The following DOCK8 variants were observed in gnomAD, a reference collection of about 807,000 sequenced individuals.
DOCK8 encodes the protein dedicator of cytokinesis 8.
DOCK8 carries 141 observed loss-of-function variants against 245.6 expected under a neutral mutation model. That is an observed-to-expected ratio of 0.57 (90% CI 0.50 to 0.66). DOCK8 has a LOEUF of 0.66. Ranked by LOEUF, DOCK8 falls within the 30% of genes least tolerant of loss-of-function variation. The pLI is 0.00. For missense variants in DOCK8, 2,965 were observed against 2,603.4 expected (o/e 1.14, Z -3.02); for synonymous variants, 1,168 against 970.2 (o/e 1.20, Z -3.79).
At chr9:401,779 T>G (rs1016611630) in intron 26 of DOCK8, among the ~76,000 whole-genome samples, 5 of 152,158 alleles carry the variant, frequency 3.3e-5, no homozygotes, top group Non-Finnish European at 7.4e-5. Flanking sequence ...ACATGACTTT[T>G]CTAAAGGAAG....
chr9:266,663 G>A (rs2048040325), intron 1 of DOCK8, among the ~76,000 whole-genome samples: 1 of 152,006 alleles, frequency 6.6e-6, no homozygotes, highest in South Asian at 2.1e-4. Context: ...ATTATCTGCT[G>A]ATCTGAAAAA....
chr9:374,453 G>GTTTTTTTTTTT (rs762085208), intron 18 of DOCK8, among the ~76,000 whole-genome samples: 11 of 75,348 alleles, frequency 1.5e-4, no homozygotes, highest in East Asian at 8.6e-4. Context: ...GTCCTTTTGT[G>GTTTTTTTTTTT]TTTTTTTTTT....
chr9:426,836 C>G (rs372152268), intron 33 of DOCK8, 49 bp from the exon 34 acceptor site: 2 of 1,505,072 alleles, frequency 1.3e-6, no homozygotes, highest in African/African-American at 2.8e-5. Flanking sequence ...TCATGGGAAC[C>G]TGGCCAGGTT....
chr9:243,879 T>C (rs2047438728), intron 1 of DOCK8, among the ~76,000 whole-genome samples: 1 of 151,984 alleles, frequency 6.6e-6, no homozygotes. Flanking sequence ...CTCATCTTAT[T>C]GACATGATTT....
Position 308,841 on chromosome 9 carries a change from T to G in DOCK8, c.529-3113T>G, listed in dbSNP as rs536608377. Among the ~76,000 whole-genome samples the G allele has an allele frequency of 3.3e-5, 5 of 152,314 alleles. No homozygotes were observed. In the East Asian group the frequency reaches 7.7e-4, roughly 24 times the overall value. ...CCCGGCTAATTTTTTGTATTTTTAGTAGAGACGGGGTTTCACCATGTTAGC... is the reference window on the plus strand; with the variant it reads ...CCCGGCTAATTTTTTGTATTTTTAGGAGAGACGGGGTTTCACCATGTTAGC... On this transcript the variant is annotated intron_variant, in intron 5 of 47. Transcript: ENST00000432829.
At chr9:404,808 T>C (rs1586934041) in intron 26 of DOCK8, 110 bp from the exon 27 acceptor site, 2 of 1,197,130 alleles carry the variant, frequency 1.7e-6, no homozygotes, top group Non-Finnish European at 1.2e-6. Context: ...TTAGTTTTTA[T>C]TAAATTGATT....
intron 26 of DOCK8, among the ~76,000 whole-genome samples, 196 bp downstream of exon 26, chr9:399,455 G>A (rs2131418782): frequency 6.6e-6 from 1 of 152,158 alleles, no homozygotes; most frequent in Non-Finnish European, 1.5e-5. Flanking sequence ...CTTGATTCCT[G>A]GAGCATTTAC....
At chr9:235,287 T>G (rs2047217922) in intron 1 of DOCK8, among the ~76,000 whole-genome samples, 1 of 152,172 alleles carries the variant, frequency 6.6e-6, no homozygotes, top group South Asian at 2.1e-4. Flanking sequence ...CCTGGCTGTG[T>G]GAGGTGTCAG....
chr9:442,019 G>A lies in DOCK8; in HGVS notation c.5490+10G>A. On this transcript the variant is annotated intron_variant, in intron 42 of 47. Transcript: ENST00000432829. ...CTCACATAGACTAGAGGTAAGAAAA[G>A]TGATTCTGTGCGCCTGACCTGGTAC... 6.2e-7 allele frequency: 1 copy of A among 1,613,828 alleles called. No homozygotes were observed. The highest frequency in any genetic ancestry group is 8.5e-7 in the Non-Finnish European group (1 of 1,180,008).
chr9:325,187 G>C (rs767888897), intron 7 of DOCK8, among the ~76,000 whole-genome samples: 2 of 152,150 alleles, frequency 1.3e-5, no homozygotes, highest in African/African-American at 2.4e-5. Context: ...ATAGTGTATA[G>C]ATACCACATT....
chr9:386,996 C>T (rs2053983009), intron 23 of DOCK8, among the ~76,000 whole-genome samples: 1 of 152,126 alleles, frequency 6.6e-6, no homozygotes, highest in South Asian at 2.1e-4. Context: ...ATTTTTAAAG[C>T]AACAAAATTC....
At chr9:445,540 G>C (rs1167442879) in intron 43 of DOCK8, among the ~76,000 whole-genome samples, 1 of 152,200 alleles carries the variant, frequency 6.6e-6, no homozygotes, top group Non-Finnish European at 1.5e-5. Flanking sequence ...TTAGTTCTAT[G>C]AGTTTTGACA....
At chr9:314,951 AT>A (rs1178213483) in intron 6 of DOCK8, among the ~76,000 whole-genome samples, 2 of 152,196 alleles carry the variant, frequency 1.3e-5, no homozygotes, top group Non-Finnish European at 2.9e-5. Context: ...TCTTTCCCTA[AT>A]TCATTCTGAG....
In DOCK8 at chr9:388,075, C is replaced by T. The variant is rs183010141; in HGVS notation, c.2874+1649C>T. Among the ~76,000 whole-genome samples the T allele has an allele frequency of 1.2e-4, 19 of 152,296 alleles. No individual in the cohort carries two copies. The East Asian group carries it at 3.7e-3, about 29-fold the overall frequency. On this transcript the variant is annotated intron_variant, in intron 23 of 47. Transcript: ENST00000432829. The stretch of plus-strand genomic sequence containing the variant: ...GAATTACTTTAAGAAGCAGCTTATC[C>T]TTGTCTAATCTCTTCTTGCCATAAG...
In DOCK8 at chr9:420,888, A is replaced by G. The variant is rs531499050; in HGVS notation, c.4024-61A>G. ...CACTGTGGAGTGTACTGTTTTGGTA[A>G]CTCTCCCCATCAACGGAGATCTCAC... On this transcript the variant is annotated intron_variant, in intron 31 of 47. Transcript: ENST00000432829. 33 of 1,604,162 alleles carry G rather than the reference A, an allele frequency of 2.1e-5. No homozygotes were observed. In the African/African-American group the frequency reaches 4.0e-4, roughly 20 times the overall value.
At chr9:229,495 G>A (rs1017171691) in intron 1 of DOCK8, among the ~76,000 whole-genome samples, 1 of 152,172 alleles carries the variant, frequency 6.6e-6, no homozygotes, top group Non-Finnish European at 1.5e-5. Flanking sequence ...TTGCAGAGCT[G>A]TCTGGTCCAG....
Position 286,543 on chromosome 9 carries a change from C to G in DOCK8, c.239C>G (p.Ala80Gly). The G allele has an allele frequency of 6.2e-7, 1 of 1,613,954 alleles. No individual in the cohort carries two copies. The highest frequency in any genetic ancestry group is 8.5e-7 in the Non-Finnish European group (1 of 1,179,918). ...THLNSLDVQL[A>G]QELGDFTDDD... ...CTGAACAGCCTGGATGTGCAGCTTG[C>G]CCAGGAGCTCGGGGACTTCACTGAT... is the stretch of plus-strand genomic sequence containing the variant. Residue 80 changes from alanine to glycine, a missense_variant, in exon 3 of 48, where the codon GCC becomes GGC. Physicochemically the swap from Ala to Gly is moderately conservative, Grantham distance 60. This residue lies in a region of DOCK8 where 2,825 missense variants were observed against 2,453.5 expected (regional missense o/e 1.15). Transcript: ENST00000432829.
rs915295860 is a variant in DOCK8, at chr9:298,842, C to T, written c.405-5739C>T. 2.6e-5 allele frequency among the ~76,000 whole-genome samples: 4 copies of T among 151,140 alleles called. No individual in the cohort carries two copies. In the East Asian group the frequency reaches 7.8e-4, roughly 29 times the overall value. On this transcript the variant is annotated intron_variant, in intron 4 of 47. Transcript: ENST00000432829. ...GCCCAAAAGTCTCCTTGTAAACCTTCGTGTCATGTCATACTAAACCTTTGA... is the reference window on the plus strand; with the variant it reads ...GCCCAAAAGTCTCCTTGTAAACCTTTGTGTCATGTCATACTAAACCTTTGA...
At chr9:400,983 C>T (rs1342713859) in intron 26 of DOCK8, among the ~76,000 whole-genome samples, 3 of 124,332 alleles carry the variant, frequency 2.4e-5, no homozygotes, top group East Asian at 5.3e-4. Flanking sequence ...ACCATCACCA[C>T]CTCCTCCACC....
Sources: gnomAD v4.1 joint callset for allele counts (sites outside exome capture counted in the v4.1 genomes callset) on GRCh38, gnomAD v4.1.1 for gene constraint, gnomAD v4.1.1 regional missense constraint, MANE v1.5 for transcripts, NCBI Gene and HGNC (gene_info 2026-07-23, HGNC 2026-07-21) for gene names.